IL23R: variants seen among roughly 807,000 people sequenced by gnomAD.
IL23R encodes interleukin 23 receptor, also known as interleukin-23 receptor.
In IL23R, 34 loss-of-function variants were observed where a neutral mutation model predicts 56.9. That is an observed-to-expected ratio of 0.60 (90% CI 0.45 to 0.80). IL23R has a LOEUF of 0.80. Among genes scored for constraint, IL23R ranks in the 30% least tolerant of loss-of-function variants. IL23R has a pLI of 0.00. For missense variants in IL23R, 635 were observed against 730.0 expected (o/e 0.87, Z 1.50); for synonymous variants, 230 against 249.2 (o/e 0.92, Z 0.73).
chr1:67,189,524 A>C (rs10889667), intron 4 of IL23R, among the ~76,000 whole-genome samples: 134,322 of 152,196 alleles, frequency 0.88, 59,335 homozygotes, highest in East Asian at 1. Context: ...AAAAGGTTAG[A>C]ATAAAAGTGA....
Position 67,169,635 on chromosome 1 carries a change from G to C in IL23R, c.364G>C (p.Gly122Arg). ...GATATGTGGAAAAGACATTTCTTCT[G>C]GATGTAAGTGTTGGGGCACATTTGA... is the stretch of plus-strand genomic sequence containing the variant. The part of the protein sequence containing the change: ...TLICGKDISS[G>R]YPPDIPDEVT... Residue 122 changes from glycine to arginine, a missense_variant, in exon 3 of 11, where the codon GGA becomes CGA. Transcript: ENST00000347310. The C allele has an allele frequency of 6.2e-7, 1 of 1,613,840 alleles. No homozygotes were observed. Among genetic ancestry groups the C allele is most frequent in the Middle Eastern group, 1.7e-4 (1 of 6,060 alleles).
intron 4 of IL23R, among the ~76,000 whole-genome samples, chr1:67,197,452 G>T (rs2102615792): frequency 6.6e-6 from 1 of 152,288 alleles, no homozygotes. Context: ...AGTTCAAGGG[G>T]CTCAAGAAAT....
downstream of IL23R, among the ~76,000 whole-genome samples, chr1:67,262,862 A>T (rs145211861): frequency 1.5e-4 from 23 of 152,324 alleles, no homozygotes; most frequent in African/African-American, 4.8e-4. Flanking sequence ...GAAGAGAAAT[A>T]CAAAGAAAGG....
intron 2 of IL23R, among the ~76,000 whole-genome samples, chr1:67,168,888 G>A (rs1393360680): frequency 6.6e-6 from 1 of 152,114 alleles, no homozygotes; most frequent in Non-Finnish European, 1.5e-5. Context: ...GGCCAGACGA[G>A]GTGGCTAATG....
intron 6 of IL23R, among the ~76,000 whole-genome samples, chr1:67,219,295 G>A (rs1030971890): frequency 4.6e-5 from 7 of 152,128 alleles, no homozygotes; most frequent in Non-Finnish European, 1.0e-4. Context: ...TTGAACCCGG[G>A]AGGCGGAGGT....
chr1:67,203,817 CAG>C (rs775909138), intron 5 of IL23R, among the ~76,000 whole-genome samples: 1 of 152,236 alleles, frequency 6.6e-6, no homozygotes, highest in East Asian at 1.9e-4. Flanking sequence ...AATGGCAGCG[CAG>C]AGTTAGTAGC....
At chr1:67,251,324 C>A (rs1335773114) in intron 9 of IL23R, among the ~76,000 whole-genome samples, 14 of 151,864 alleles carry the variant, frequency 9.2e-5, no homozygotes, top group African/African-American at 3.4e-4. Flanking sequence ...TGGTGGCAGG[C>A]ACCTGTAGTC....
At chr1:67,207,527 G>A (rs1170090484) in intron 6 of IL23R, 1 of 305,862 alleles carries the variant, frequency 3.3e-6, no homozygotes, top group Non-Finnish European at 6.3e-6. Flanking sequence ...GAATCATGGA[G>A]GCCAGTCTTT....
exon 11 of IL23R, chr1:67,259,965 GAAAAAAAAA>G (rs372460431): frequency 0.15 from 11,246 of 76,296 alleles, 602 homozygotes; most frequent in South Asian, 0.19. Context: ...ACTCTGTCTG[GAAAAAAAAA>G]AAAAAAAAAA....
At chr1:67,203,253 A>G (rs1459443225) in intron 5 of IL23R, among the ~76,000 whole-genome samples, 3 of 152,146 alleles carry the variant, frequency 2.0e-5, no homozygotes, top group Non-Finnish European at 1.5e-5. Flanking sequence ...TACTGTCCCC[A>G]TTTTACAGAT....
rs1648574118 is a variant in IL23R at position 67,200,798 on chromosome 1, T to A, written c.553T>A (p.Ser185Thr). Residue 185 changes from serine (S) to threonine (T), a missense_variant, in exon 5 of 11, where the codon TCA (serine) becomes ACA (threonine). Coordinates refer to ENST00000347310, the MANE Select transcript of IL23R (RefSeq NM_144701.3). ...TSSYINISTD[S>T]LQGGKKYLVW... ...AAGCTATATTAACATCTCCACTGATTCATTACAAGGTGGCAAGAAGTACTT... is the reference window on the plus strand; with the variant it reads ...AAGCTATATTAACATCTCCACTGATACATTACAAGGTGGCAAGAAGTACTT... 1.2e-6 allele frequency: 2 copies of A among 1,614,024 alleles called. No individual in the cohort carries two copies. The highest frequency in any genetic ancestry group is 1.7e-6 in the Non-Finnish European group (2 of 1,180,018).
chr1:67,258,383 A>C, intron 10 of IL23R, 95 bp from the exon 11 acceptor site: 1 of 857,084 alleles, frequency 1.2e-6, no homozygotes, highest in Admixed American at 2.3e-5. Context: ...GAGAAAGGAA[A>C]GTTGAAAGAA....
At chr1:67,182,766 C>T in intron 3 of IL23R, 70 bp from the exon 4 acceptor site, 2 of 1,573,010 alleles carry the variant, frequency 1.3e-6, no homozygotes. Flanking sequence ...TCCTATTCAG[C>T]CATCTTGGCT....
intron 2 of IL23R, among the ~76,000 whole-genome samples, chr1:67,169,043 AG>A (rs1347819442): frequency 3.3e-5 from 5 of 151,442 alleles, no homozygotes; most frequent in South Asian, 4.2e-4. Context: ...CAGGAGGCTA[AG>A]GCAGGAGAAT....
chr1:67,157,283 C>T (rs533120226), intron 1 of IL23R, among the ~76,000 whole-genome samples: 5 of 152,298 alleles, frequency 3.3e-5, no homozygotes, highest in African/African-American at 1.2e-4. Context: ...TAACATGTTC[C>T]AAAACAAATT....
chr1:67,219,691 C>G lies in IL23R; in HGVS notation c.916C>G (p.Pro306Ala), dbSNP rs545141199. 6.2e-7 allele frequency: 1 copy of G among 1,613,984 alleles called. No individual in the cohort carries two copies. Among genetic ancestry groups the G allele is most frequent in the Non-Finnish European group, 8.5e-7 (1 of 1,179,904 alleles). The change falls in exon 7 of 11, where the codon CCT (proline) becomes GCT (alanine). Residue 306 changes from proline to alanine, a missense_variant. Pro to Ala is a conservative substitution (Grantham distance 27). Coordinates refer to ENST00000347310, the MANE Select transcript of IL23R (RefSeq NM_144701.3). ...CQETGKRYWQ[P>A]WSSLFFHKTP... The stretch of plus-strand genomic sequence containing the variant: ...AGAAACAGGCAAAAGGTACTGGCAG[C>G]CTTGGAGTTCACTGTTTTTTCATAA...
chr1:67,265,200 A>G, the IL23R span, among the ~76,000 whole-genome samples: 2 of 152,244 alleles, frequency 1.3e-5, no homozygotes, highest in African/African-American at 4.8e-5. Context: ...AGAGCAAGAG[A>G]GAAAGAATGC....
At chr1:67,202,524 C>A (rs773723905) in intron 5 of IL23R, among the ~76,000 whole-genome samples, 4 of 152,234 alleles carry the variant, frequency 2.6e-5, no homozygotes, top group Non-Finnish European at 5.9e-5. Flanking sequence ...AGGCGTGAGC[C>A]ACTGCCAGCT....
intron 1 of IL23R, among the ~76,000 whole-genome samples, chr1:67,141,244 G>C (rs1646634902): frequency 6.6e-6 from 1 of 152,068 alleles, no homozygotes; most frequent in South Asian, 2.1e-4. Flanking sequence ...GGGTGGTAAA[G>C]TATATCTTGG....
Sources: gnomAD v4.1 joint callset for allele counts (sites outside exome capture counted in the v4.1 genomes callset) on GRCh38, gnomAD v4.1.1 for gene constraint, MANE v1.5 for transcripts, NCBI Gene and HGNC (gene_info 2026-07-23, HGNC 2026-07-21) for gene names.